CST3: variants seen among roughly 807,000 people sequenced by gnomAD.
CST3 encodes cystatin-C.
Under a neutral mutation model 9.0 loss-of-function variants are expected in CST3, and 14 were observed. That is an observed-to-expected ratio of 1.56 (90% CI 1.03 to 2.44). The LOEUF is 2.44. CST3 is among the 30% of genes most tolerant of loss of function. The pLI is 0.00. For missense variants in CST3, 237 were observed against 204.3 expected, an observed-to-expected ratio of 1.16 and a Z score of -0.98; for synonymous variants, 96 against 90.2, an observed-to-expected ratio of 1.06 and a Z score of -0.37.
chr20:23,634,270 G>A (rs1402405813), intron 2 of CST3, among the ~76,000 whole-genome samples: 1 of 152,162 alleles, frequency 6.6e-6, no homozygotes, highest in African/African-American at 2.4e-5. Flanking sequence ...CCTGTGAGGA[G>A]CAGCCTGTGC....
downstream of CST3, among the ~76,000 whole-genome samples, chr20:23,630,965 T>C (rs918816007): frequency 6.6e-6 from 1 of 152,184 alleles, no homozygotes; most frequent in Non-Finnish European, 1.5e-5. Context: ...CAGGAAGGTA[T>C]TGCAAGATGC....
chr20:23,633,906 G>A lies in CST3; in HGVS notation c.*10C>T. 1 of 1,612,796 alleles carries A rather than the reference G, an allele frequency of 6.2e-7. No homozygotes were observed. The highest frequency in any genetic ancestry group is 1.3e-5 in the African/African-American group (1 of 75,000). Reference sequence around the variant, plus strand: ...GAGGTGATAGGCACAGGCCAGCCCGGTACAGACCCCTAGGCGTCCTGACAG... The same window carrying A: ...GAGGTGATAGGCACAGGCCAGCCCGATACAGACCCCTAGGCGTCCTGACAG... On this transcript the variant is annotated 3_prime_UTR_variant, in exon 3 of 3. Coordinates refer to ENST00000376925, the MANE Select transcript of CST3 (RefSeq NM_000099.4).
At chr20:23,635,855 A>C (rs3827141) in intron 1 of CST3, among the ~76,000 whole-genome samples, 29,522 of 152,174 alleles carry the variant, frequency 0.19, 3,073 homozygotes, top group South Asian at 0.32. Context: ...GTGATTTTCA[A>C]GGCAATATTT....
downstream of CST3, among the ~76,000 whole-genome samples, chr20:23,630,313 C>T (rs1391582308): frequency 6.6e-6 from 1 of 152,208 alleles, no homozygotes; most frequent in Non-Finnish European, 1.5e-5. Context: ...AGCCAGAGCC[C>T]CAGCTGATGT....
chr20:23,628,058 T>TTTTTTG (rs895202670), exon 4 of CST3: 15 of 152,294 alleles, frequency 9.8e-5, no homozygotes, highest in Middle Eastern at 3.4e-3. Flanking sequence ...TGTGTTGTTT[T>TTTTTTG]TTTTTGTTTT....
exon 4 of CST3, chr20:23,627,773 G>C (rs1262680311): frequency 6.6e-6 from 1 of 152,114 alleles, no homozygotes. Context: ...ATAGCTAATG[G>C]TGTTATGCAC....
intron 1 of CST3, 39 bp downstream of exon 1, chr20:23,637,581 G>C (rs1027394303): frequency 6.8e-7 from 1 of 1,460,670 alleles, no homozygotes; most frequent in East Asian, 2.9e-5. Context: ...CTGGGACGGC[G>C]GGGCCGGGGC....
Position 23,636,508 on chromosome 20 carries a change from C to A in CST3, c.243+1112G>T, listed in dbSNP as rs546878525. On this transcript the variant is annotated intron_variant, in intron 1 of 2. Coordinates refer to ENST00000376925, the MANE Select transcript of CST3 (RefSeq NM_000099.4). ...CCCTGGGATGTAGGGGGTGGTCAGC[C>A]GGCCTGAGGGTGAAGGCCGCTAGTC... Among the ~76,000 whole-genome samples, 4 of 152,276 alleles carry A rather than the reference C, an allele frequency of 2.6e-5. No homozygotes were observed. In the South Asian group the frequency reaches 8.3e-4, roughly 32 times the overall value.
downstream of CST3, chr20:23,632,215 C>T (rs1600361288): frequency 6.6e-6 from 1 of 152,312 alleles, no homozygotes; most frequent in African/African-American, 2.4e-5. Flanking sequence ...CTCAACTTCC[C>T]CAAGGAAGAA....
chr20:23,629,387 TAAA>T (rs1979366683), downstream of CST3: 3 of 152,114 alleles, frequency 2.0e-5, no homozygotes, highest in African/African-American at 7.2e-5. Context: ...GCCTGTGGGG[TAAA>T]CACTTCCCAG....
downstream of CST3, chr20:23,628,902 A>G (rs1979346842): frequency 6.6e-6 from 1 of 152,144 alleles, no homozygotes; most frequent in Admixed American, 6.5e-5. Flanking sequence ...CTGTCTCTTC[A>G]GTTTTGTTGC....
downstream of CST3, chr20:23,628,993 G>A (rs1054122141): frequency 6.6e-6 from 1 of 152,154 alleles, no homozygotes; most frequent in Non-Finnish European, 1.5e-5. Context: ...ACACTCAGCA[G>A]GGAAGGAAGA....
chr20:23,634,059 C>G (rs879219458), intron 2 of CST3, 60 bp from the exon 3 acceptor site: 1 of 1,380,268 alleles, frequency 7.2e-7, no homozygotes, highest in African/African-American at 1.4e-5. Flanking sequence ...AGAAGATGCC[C>G]AGGCACGGGA....
At chr20:23,629,696 C>T (rs557918600), downstream of CST3, among the ~76,000 whole-genome samples, 2 of 143,142 alleles carry the variant, frequency 1.4e-5, no homozygotes, top group Non-Finnish European at 1.5e-5. Context: ...AATGCCACGG[C>T]GAAGAGCAGG....
At chr20:23,628,389 C>G (rs1015093859) in exon 4 of CST3, 1 of 152,210 alleles carries the variant, frequency 6.6e-6, no homozygotes, top group African/African-American at 2.4e-5. Context: ...GGGCCAGCCT[C>G]TATTTTTCAG....
At position 23,633,799 on chromosome 20, in the gene CST3, T is replaced by TG. The variant is rs970755675; in HGVS notation, c.*116dup. 4.4e-5 allele frequency: 38 copies of TG among 856,148 alleles called. No homozygotes were observed. The Admixed American group carries it at 6.9e-4, about 16-fold the overall frequency. 53.0% of individuals were successfully genotyped at this position (856,148 alleles called of 1,614,324 possible). A position where few individuals can be genotyped will look rare whatever the true frequency, so the allele number is the denominator to read the frequency against. Reference sequence around the variant, plus strand: ...GCTGCCTTCTCTGTCTGTCTCCTGGTGCAGGCACATGGGGAGACCTTCCCC... The same window carrying TG: ...GCTGCCTTCTCTGTCTGTCTCCTGGTGGCAGGCACATGGGGAGACCTTCCCC... On this transcript the variant is annotated 3_prime_UTR_variant, in exon 3 of 3. Coordinates refer to ENST00000376925, the MANE Select transcript of CST3 (RefSeq NM_000099.4).
intron 1 of CST3, among the ~76,000 whole-genome samples, chr20:23,635,864 T>A (rs1386250290): frequency 6.6e-6 from 1 of 152,210 alleles, no homozygotes; most frequent in Non-Finnish European, 1.5e-5. Context: ...AAGGCAATAT[T>A]TCTAAAGTGA....
rs756978090 is a variant in CST3 at position 23,637,799 on chromosome 20, TCACGGCCAGGGC to T, written c.52_63del (p.Ala18_Val21del). On this transcript the variant is annotated inframe_deletion, in exon 1 of 3. Transcript: ENST00000376925. Reference sequence around the variant, plus strand: ...CCGGGACTGGAGCCGGCCGCGGGGCTCACGGCCAGGGCCACGGCCAGGATGGCCAGCAGGAGC... The same window carrying T: ...CCGGGACTGGAGCCGGCCGCGGGGCTCACGGCCAGGATGGCCAGCAGGAGC... 25 of 1,413,318 alleles carry T rather than the reference TCACGGCCAGGGC, an allele frequency of 1.8e-5. No individual in the cohort carries two copies. Among genetic ancestry groups the T allele is most frequent in the Middle Eastern group, 2.7e-4 (1 of 3,744 alleles). 87.5% of individuals were successfully genotyped at this position (1,413,318 alleles called of 1,614,324 possible).
At chr20:23,637,155 G>T (rs1416421310) in intron 1 of CST3, among the ~76,000 whole-genome samples, 7 of 152,224 alleles carry the variant, frequency 4.6e-5, no homozygotes, top group African/African-American at 1.4e-4. Flanking sequence ...CAGCTGCTCT[G>T]TAAGTCTGAA....
Sources: gnomAD v4.1 joint callset for allele counts (sites outside exome capture counted in the v4.1 genomes callset) on GRCh38, gnomAD v4.1.1 for gene constraint, MANE v1.5 for transcripts, NCBI Gene and HGNC (gene_info 2026-07-23, HGNC 2026-07-21) for gene names.